VAV2: variants seen among roughly 807,000 people sequenced by gnomAD.
VAV2 encodes the protein vav guanine nucleotide exchange factor 2.
In VAV2, 67 loss-of-function variants were observed where a neutral mutation model predicts 132.5. The ratio of observed to expected loss-of-function variants is 0.51; its 90% CI spans 0.42 to 0.62. The LOEUF (loss-of-function observed/expected upper bound fraction) is 0.62. Among genes scored for constraint, VAV2 ranks in the 20% least tolerant of loss-of-function variants. The pLI, the probability that VAV2 is intolerant of heterozygous loss-of-function variation, is 0.00. For synonymous variants in VAV2, 492 were observed against 443.5 expected, an observed-to-expected ratio of 1.11 and a Z score of -1.37; for missense variants, 938 against 1,153.6, an observed-to-expected ratio of 0.81 and a Z score of 2.71.
At chr9:133,940,688 T>C (rs2492060) in intron 1 of VAV2, among the ~76,000 whole-genome samples, 12 of 65,932 alleles carry the variant, frequency 1.8e-4, no homozygotes, top group African/African-American at 2.6e-4. Flanking sequence ...TGTGTGTGTG[T>C]GTGTGTGTGT....
intron 1 of VAV2, among the ~76,000 whole-genome samples, chr9:133,952,801 C>T (rs191502114): frequency 1.3e-5 from 2 of 152,260 alleles, no homozygotes; most frequent in Admixed American, 6.5e-5. Context: ...AGGATGGAGC[C>T]TCTCCTAGAG....
chr9:133,902,761 G>A (rs1839492892), intron 2 of VAV2, among the ~76,000 whole-genome samples: 1 of 152,148 alleles, frequency 6.6e-6, no homozygotes, highest in African/African-American at 2.4e-5. Flanking sequence ...AATCCAATAT[G>A]ACCCGTGTCC....
chr9:133,872,480 C>A (rs1474817288), intron 2 of VAV2, among the ~76,000 whole-genome samples: 1 of 149,796 alleles, frequency 6.7e-6, no homozygotes, highest in East Asian at 1.9e-4. Context: ...GCTGCCCCAA[C>A]CAGCATGTGG....
chr9:133,933,744 GAGT>G (rs1840780093), intron 2 of VAV2, among the ~76,000 whole-genome samples: 1 of 142,944 alleles, frequency 7.0e-6, no homozygotes. Context: ...ATGAATGGAT[GAGT>G]GGATGGATGA....
rs71505226 is a variant in VAV2, at chr9:133,762,231, G to C, written c.*1831C>G. The C allele has an allele frequency of 0.086, 13,097 of 152,416 alleles. 628 individuals are homozygous for C. Among genetic ancestry groups the C allele is most frequent in the African/African-American group, 0.11 (4,611 of 41,448 alleles). The allele number at this position is 152,416 out of a possible 1,614,324, so 9.4% of individuals were successfully genotyped here. A position where few individuals can be genotyped will look rare whatever the true frequency, so the allele number is the denominator to read the frequency against. On this transcript the variant is annotated 3_prime_UTR_variant, in exon 30 of 30. Coordinates refer to ENST00000371850, the MANE Select transcript of VAV2 (RefSeq NM_001134398.2). The surrounding 1 kb of genome is among the most constrained non-coding windows in gnomAD (Gnocchi z 5.0). ...AAACAAAAAAATTCACAAAAACCAG[G>C]GTTCTAAATTATTTTTTCTCAGTGT...
intron 27 of VAV2, 100 bp downstream of exon 27, chr9:133,770,278 C>T (rs1833573112): frequency 6.4e-7 from 1 of 1,559,300 alleles, no homozygotes; most frequent in Non-Finnish European, 8.7e-7. Flanking sequence ...GGGTGGGACT[C>T]CTGGTCTGGG....
intron 3 of VAV2, among the ~76,000 whole-genome samples, chr9:133,842,410 G>A (rs1303196355): frequency 6.6e-6 from 1 of 152,240 alleles, no homozygotes; most frequent in Non-Finnish European, 1.5e-5. Context: ...CATCCTGGAG[G>A]GCGGGACTGG....
At position 133,834,643 on chromosome 9, in the gene VAV2, G is replaced by A. The variant is rs930170786; in HGVS notation, c.381-303C>T. On this transcript the variant is annotated intron_variant, in intron 3 of 29. Coordinates refer to ENST00000371850, the MANE Select transcript of VAV2 (RefSeq NM_001134398.2). This position sits in a 1 kb window ranked among gnomAD's most constrained non-coding sequence, Gnocchi z 5.9. The stretch of plus-strand genomic sequence containing the variant: ...GGCCCAGGTCAGGGCTGCAGAAAGC[G>A]TTCATCTGCTGGGCGACCTGCCTTC... Among the ~76,000 whole-genome samples, 6 of 152,246 alleles carry A rather than the reference G, an allele frequency of 3.9e-5. No individual in the cohort carries two copies. The highest frequency in any genetic ancestry group is 2.1e-4 in the South Asian group (1 of 4,838).
Position 133,771,901 on chromosome 9 carries a change from G to C in VAV2, c.2223+58C>G, listed in dbSNP as rs553174775. The stretch of plus-strand genomic sequence containing the variant: ...CATGGCCACTCGCTCAGGGCCGGGA[G>C]GAAGCACCTGTCCCCTGTGGCTGGG... On this transcript the variant is annotated intron_variant, in intron 26 of 29. Coordinates refer to ENST00000371850, the MANE Select transcript of VAV2 (RefSeq NM_001134398.2). The C allele has an allele frequency of 4.5e-5, 67 of 1,493,316 alleles. No homozygotes were observed. In the Admixed American group the frequency reaches 8.0e-4, roughly 18 times the overall value. 92.5% of individuals were successfully genotyped at this position (1,493,316 alleles called of 1,614,324 possible).
intron 1 of VAV2, among the ~76,000 whole-genome samples, chr9:133,949,433 C>A (rs949980765): frequency 6.6e-6 from 1 of 152,238 alleles, no homozygotes; most frequent in African/African-American, 2.4e-5. Flanking sequence ...CCCGCTAGGG[C>A]TCTGAGCCTT....
intron 2 of VAV2, among the ~76,000 whole-genome samples, chr9:133,878,321 C>A (rs888097950): frequency 6.6e-6 from 1 of 152,180 alleles, no homozygotes; most frequent in African/African-American, 2.4e-5. Context: ...GAGCCAACTG[C>A]GACCCAAGCA....
intron 2 of VAV2, among the ~76,000 whole-genome samples, chr9:133,914,294 G>A (rs1275028779): frequency 2.0e-5 from 3 of 152,138 alleles, no homozygotes; most frequent in African/African-American, 4.8e-5. Context: ...GGGAAGACAG[G>A]TGTTCAGAAA....
Position 133,769,560 on chromosome 9 carries a change from C to T in VAV2, c.2348-57G>A, listed in dbSNP as rs921785436. On this transcript the variant is annotated intron_variant, in intron 27 of 29. Transcript: ENST00000371850. This position sits in a 1 kb window ranked among gnomAD's most constrained non-coding sequence, Gnocchi z 8.1. The stretch of plus-strand genomic sequence containing the variant: ...GCAGCAGGGCATCCACGCACAGTCA[C>T]GGTGGGCACAGCTACAGGCCGGGGG... The T allele has an allele frequency of 7.1e-6, 11 of 1,540,964 alleles. No individual in the cohort carries two copies. Among genetic ancestry groups the T allele is most frequent in the East Asian group, 2.4e-5 (1 of 42,402 alleles).
intron 1 of VAV2, among the ~76,000 whole-genome samples, chr9:133,967,394 T>C (rs1032024438): frequency 3.9e-5 from 6 of 152,202 alleles, no homozygotes; most frequent in Admixed American, 3.9e-4. Flanking sequence ...CCAGCAATCC[T>C]ACCACCAGGC....
chr9:133,907,683 A>T (rs1839709939), intron 2 of VAV2, among the ~76,000 whole-genome samples: 1 of 152,244 alleles, frequency 6.6e-6, no homozygotes, highest in Non-Finnish European at 1.5e-5. Context: ...CTCGTAAATC[A>T]ATTCCCACTC....
chr9:133,773,909 C>A (rs7025983), intron 25 of VAV2, among the ~76,000 whole-genome samples: 19,220 of 152,178 alleles, frequency 0.13, 2,651 homozygotes, highest in African/African-American at 0.34. Flanking sequence ...TTTGTTTACA[C>A]CAGCATAACC....
chr9:133,905,020 G>C (rs1374718130), intron 2 of VAV2, among the ~76,000 whole-genome samples: 1 of 152,224 alleles, frequency 6.6e-6, no homozygotes, highest in East Asian at 1.9e-4. Flanking sequence ...GGCTTGGGCA[G>C]TGCCACGGGC....
At chr9:133,846,461 G>A (rs1836938914) in intron 3 of VAV2, among the ~76,000 whole-genome samples, 1 of 152,224 alleles carries the variant, frequency 6.6e-6, no homozygotes, top group African/African-American at 2.4e-5. Context: ...GGCAGGGCCA[G>A]AGGAAGGGTC....
intron 1 of VAV2, among the ~76,000 whole-genome samples, chr9:133,974,550 G>A (rs1354914693): frequency 1.3e-5 from 2 of 152,164 alleles, no homozygotes; most frequent in African/African-American, 4.8e-5. Context: ...GGGGGACGGG[G>A]AGTGCACCAC....
Sources: allele counts gnomAD v4.1 joint callset (sites outside exome capture counted in the v4.1 genomes callset), GRCh38; gene constraint gnomAD v4.1.1; non-coding constraint Gnocchi (gnomAD v3.1); transcripts MANE v1.5; gene names NCBI Gene and HGNC (gene_info 2026-07-23, HGNC 2026-07-21).